The following CPEB3 variants were observed in gnomAD, a reference collection of about 807,000 sequenced individuals.
The protein encoded by CPEB3 is cytoplasmic polyadenylation element binding protein 3, also known as cytoplasmic polyadenylation element-binding protein 3.
A neutral mutation model predicts 67.2 loss-of-function variants in CPEB3; 20 were observed. That is an observed-to-expected ratio of 0.30 (90% CI 0.21 to 0.43). CPEB3 has a LOEUF of 0.43. CPEB3 is among the 20% of genes least tolerant of loss of function. The probability of loss-of-function intolerance (pLI) is 1.00; values close to 1 mark genes in which losing one functional copy is unlikely to be tolerated. For synonymous variants in CPEB3, 376 were observed against 393.1 expected (o/e 0.96, Z 0.51); for missense variants, 746 against 968.6 (o/e 0.77, Z 3.05).
chr10:92,263,652 C>T (rs914031508), intron 1 of CPEB3, among the ~76,000 whole-genome samples: 8 of 152,078 alleles, frequency 5.3e-5, no homozygotes, highest in Non-Finnish European at 1.2e-4. Flanking sequence ...GCAAAATATA[C>T]AGTGGGACAT....
intron 4 of CPEB3, among the ~76,000 whole-genome samples, chr10:92,162,787 G>T (rs1847551669): frequency 6.6e-6 from 1 of 152,068 alleles, no homozygotes; most frequent in Non-Finnish European, 1.5e-5. Flanking sequence ...AGTTTTAATG[G>T]TTGCATTCTT....
chr10:92,269,170 G>GA (rs113105958), intron 1 of CPEB3, among the ~76,000 whole-genome samples: 30 of 141,694 alleles, frequency 2.1e-4, no homozygotes, highest in African/African-American at 2.3e-4. Context: ...CAATGCCCAG[G>GA]AAAAAAAAAA....
intron 6 of CPEB3, among the ~76,000 whole-genome samples, chr10:92,141,498 G>A (rs1590227070): frequency 6.6e-6 from 1 of 151,398 alleles, no homozygotes; most frequent in African/African-American, 2.4e-5. Flanking sequence ...GGGGGATGGG[G>A]GAGGGATAGC....
At chr10:92,203,386 G>GTGTATATATATACGTATATATATGTATA (rs1564862920) in intron 2 of CPEB3, among the ~76,000 whole-genome samples, 73 of 145,190 alleles carry the variant, frequency 5.0e-4, no homozygotes, top group Non-Finnish European at 3.7e-4. Flanking sequence ...ATATATGTAT[G>GTGTATATATATACGTATATATATGTATA]TGTATATATA....
rs550749351 is a variant in CPEB3, at chr10:92,049,381, G to A, written c.*2831C>T. 1 of 152,558 alleles carries A rather than the reference G, an allele frequency of 6.6e-6. No homozygotes were observed. The highest frequency in any genetic ancestry group is 1.5e-5 in the Non-Finnish European group (1 of 68,004). The allele number at this position is 152,558 out of a possible 1,614,324, so 9.5% of individuals were successfully genotyped here. On this transcript the variant is annotated 3_prime_UTR_variant, in exon 10 of 10. Transcript: ENST00000265997. ...TACCCAGGGGCTTCCCAGTCAAGTTGCAGGTCAGAACACCTCTGTGTTTTA... is the reference window on the plus strand; with the variant it reads ...TACCCAGGGGCTTCCCAGTCAAGTTACAGGTCAGAACACCTCTGTGTTTTA...
intron 4 of CPEB3, among the ~76,000 whole-genome samples, chr10:92,145,552 C>G (rs1163269632): frequency 6.6e-6 from 1 of 151,780 alleles, no homozygotes; most frequent in Non-Finnish European, 1.5e-5. Context: ...TCGCTTGAAC[C>G]CGAACCCGGG....
At chr10:92,271,758 T>G (rs571048221) in intron 1 of CPEB3, among the ~76,000 whole-genome samples, 1 of 152,324 alleles carries the variant, frequency 6.6e-6, no homozygotes, top group East Asian at 1.9e-4. Flanking sequence ...GTATTACCCC[T>G]TTTACTTAAA....
intron 4 of CPEB3, among the ~76,000 whole-genome samples, chr10:92,160,454 AT>A (rs1453638774): frequency 1.3e-5 from 2 of 152,138 alleles, no homozygotes; most frequent in Non-Finnish European, 2.9e-5. Flanking sequence ...ATATGGATGG[AT>A]TAATATAACA....
rs777102275 is a variant in CPEB3, at chr10:92,239,248, C to T, written c.1005+98G>A. 6.7e-6 allele frequency: 9 copies of T among 1,344,690 alleles called. No homozygotes were observed. Among genetic ancestry groups the T allele is most frequent in the East Asian group, 2.5e-5 (1 of 39,934 alleles). 83.3% of individuals were successfully genotyped at this position (1,344,690 alleles called of 1,614,324 possible). On this transcript the variant is annotated intron_variant, in intron 2 of 9. Coordinates refer to ENST00000265997, the MANE Select transcript of CPEB3 (RefSeq NM_014912.5). This position sits in a 1 kb window ranked among gnomAD's most constrained non-coding sequence, Gnocchi z 6.0. ...GGGAAAGAGGAGCTGGACATTGCTG[C>T]CCTTTTTAAATATAAGCGGGTGGAT...
chr10:92,269,561 ATTGT>A (rs1853210463), intron 1 of CPEB3, among the ~76,000 whole-genome samples: 1 of 151,886 alleles, frequency 6.6e-6, no homozygotes, highest in South Asian at 2.1e-4. Flanking sequence ...TTAAACCTGA[ATTGT>A]TTGTTTGTTT....
chr10:92,161,821 G>A (rs988264975), intron 4 of CPEB3, among the ~76,000 whole-genome samples: 1 of 151,732 alleles, frequency 6.6e-6, no homozygotes, highest in African/African-American at 2.4e-5. Context: ...GCACCACCAC[G>A]CCGGCTAATT....
intron 4 of CPEB3, among the ~76,000 whole-genome samples, chr10:92,151,561 T>C (rs1846970269): frequency 6.6e-6 from 1 of 152,200 alleles, no homozygotes; most frequent in South Asian, 2.1e-4. Flanking sequence ...GAGAATCCCT[T>C]TTATTACACA....
At chr10:92,104,580 G>A (rs1844349613) in intron 7 of CPEB3, among the ~76,000 whole-genome samples, 1 of 151,730 alleles carries the variant, frequency 6.6e-6, no homozygotes, top group African/African-American at 2.4e-5. Context: ...GTAGAGACGG[G>A]GTTTCACCGT....
intron 6 of CPEB3, among the ~76,000 whole-genome samples, chr10:92,126,754 A>T (rs1014528747): frequency 2.0e-5 from 3 of 152,258 alleles, no homozygotes; most frequent in Non-Finnish European, 4.4e-5. Context: ...CAGGTAAAAT[A>T]GTATAAACTA....
chr10:92,157,583 C>A (rs1847265856), intron 4 of CPEB3, among the ~76,000 whole-genome samples: 1 of 152,036 alleles, frequency 6.6e-6, no homozygotes, highest in East Asian at 1.9e-4. Context: ...AAGTGAGAGG[C>A]TCTGAAACTT....
chr10:92,126,268 T>C (rs1287928839), intron 6 of CPEB3, among the ~76,000 whole-genome samples: 1 of 152,170 alleles, frequency 6.6e-6, no homozygotes, highest in Non-Finnish European at 1.5e-5. Context: ...GCCTCCATGA[T>C]ACCTGGTTAT....
chr10:92,167,303 A>T (rs1336402668), intron 4 of CPEB3, among the ~76,000 whole-genome samples: 1 of 152,218 alleles, frequency 6.6e-6, no homozygotes, highest in African/African-American at 2.4e-5. Context: ...AACTTGGCTA[A>T]CTAGCACAAG....
intron 7 of CPEB3, among the ~76,000 whole-genome samples, chr10:92,099,831 T>C (rs1844086837): frequency 6.8e-6 from 1 of 148,074 alleles, no homozygotes; most frequent in South Asian, 2.2e-4. Context: ...GCCATTGCAC[T>C]CCAGCCTGGG....
At chr10:92,198,436 T>G (rs575832032) in intron 2 of CPEB3, among the ~76,000 whole-genome samples, 1 of 152,336 alleles carries the variant, frequency 6.6e-6, no homozygotes, top group Non-Finnish European at 1.5e-5. Context: ...AGAAGTAGTT[T>G]GATCTACCTC....
Sources: gnomAD v4.1 joint callset for allele counts (sites outside exome capture counted in the v4.1 genomes callset) on GRCh38, gnomAD v4.1.1 for gene constraint, Gnocchi (gnomAD v3.1) non-coding constraint, MANE v1.5 for transcripts, NCBI Gene and HGNC (gene_info 2026-07-23, HGNC 2026-07-21) for gene names.